Variants in ADAM10 observed in about 807,000 individuals in gnomAD.
ADAM10 encodes disintegrin and metalloproteinase domain-containing protein 10.
Under a neutral mutation model 90.1 loss-of-function variants are expected in ADAM10, and 17 were observed. That is an observed-to-expected ratio of 0.19 (90% confidence interval 0.13 to 0.28). ADAM10 has a LOEUF of 0.28. Ranked by LOEUF, ADAM10 falls within the 10% of genes least tolerant of loss-of-function variation. The pLI is 1.00. For synonymous variants in ADAM10, 310 were observed against 298.6 expected (o/e 1.04, Z -0.40); for missense variants, 610 against 914.3 (o/e 0.67, Z 4.29).
At chr15:58,643,642 C>T (rs1896471183) in intron 7 of ADAM10, among the ~76,000 whole-genome samples, 2 of 152,200 alleles carry the variant, frequency 1.3e-5, no homozygotes, top group Non-Finnish European at 2.9e-5. Flanking sequence ...ACTGAATACA[C>T]ACTTTACCTC....
chr15:58,633,791 G>A (rs567894183), intron 8 of ADAM10, among the ~76,000 whole-genome samples: 5 of 151,756 alleles, frequency 3.3e-5, no homozygotes, highest in Admixed American at 2.6e-4. Flanking sequence ...AAGATTCTGA[G>A]AAAGTCACTT....
chr15:58,743,269 A>G (rs1483265825), intron 1 of ADAM10, among the ~76,000 whole-genome samples: 1 of 152,088 alleles, frequency 6.6e-6, no homozygotes, highest in Admixed American at 6.5e-5. Flanking sequence ...TCCACAATTT[A>G]TCTCACATAG....
At chr15:58,644,787 T>C (rs1417334190) in intron 6 of ADAM10, among the ~76,000 whole-genome samples, 1 of 152,200 alleles carries the variant, frequency 6.6e-6, no homozygotes, top group Non-Finnish European at 1.5e-5. Context: ...TGGCACTGTT[T>C]TAGGCACTGG....
At chr15:58,616,077 G>T (rs1378951561) in intron 11 of ADAM10, among the ~76,000 whole-genome samples, 1 of 152,074 alleles carries the variant, frequency 6.6e-6, no homozygotes, top group Non-Finnish European at 1.5e-5. Flanking sequence ...TCAGCAAAGG[G>T]ATATAACAAT....
chr15:58,652,279 G>A (rs1359669608), intron 5 of ADAM10, among the ~76,000 whole-genome samples: 1 of 152,078 alleles, frequency 6.6e-6, no homozygotes, highest in Non-Finnish European at 1.5e-5. Flanking sequence ...TTTTGCTTTG[G>A]TTGCCTGTGC....
At chr15:58,679,406 GGT>G in intron 3 of ADAM10, 124 bp from the exon 4 acceptor site, 2 of 815,620 alleles carry the variant, frequency 2.5e-6, no homozygotes, top group Non-Finnish European at 3.9e-6. Flanking sequence ...ACATATATAT[GGT>G]TAAATCTTGA....
intron 5 of ADAM10, among the ~76,000 whole-genome samples, chr15:58,651,901 C>A (rs1239937557): frequency 6.6e-6 from 1 of 152,150 alleles, no homozygotes. Context: ...CACATCCTCA[C>A]CAGCGTTTGT....
rs1457970724 is a variant in ADAM10, at chr15:58,594,681, G to A, written c.*2866C>T. 1 of 152,094 alleles carries A rather than the reference G, an allele frequency of 6.6e-6. No individual in the cohort carries two copies. The highest frequency in any genetic ancestry group is 2.4e-5 in the African/African-American group (1 of 41,424). The allele number at this position is 152,094 out of a possible 1,614,324, so 9.4% of individuals were successfully genotyped here. ...TTGGTACCTGAATTTATAAAACTGGGGAGGGAGGGATGGAGGGAGAGAGGA... is the reference window on the plus strand; with the variant it reads ...TTGGTACCTGAATTTATAAAACTGGAGAGGGAGGGATGGAGGGAGAGAGGA... On this transcript the variant is annotated 3_prime_UTR_variant, in exon 16 of 16. Transcript: ENST00000260408.
chr15:58,600,996 G>C (rs1347643077), intron 14 of ADAM10, among the ~76,000 whole-genome samples: 2 of 152,006 alleles, frequency 1.3e-5, no homozygotes, highest in Admixed American at 6.5e-5. Flanking sequence ...GCTAATTTTA[G>C]CATTAATGAG....
chr15:58,626,664 A>T (rs1019549652), intron 10 of ADAM10, among the ~76,000 whole-genome samples: 5 of 152,208 alleles, frequency 3.3e-5, no homozygotes, highest in Non-Finnish European at 7.4e-5. Flanking sequence ...TACAACACAG[A>T]TAAACCTTGA....
At position 58,611,944 on chromosome 15, in the gene ADAM10, T is replaced by C; in HGVS notation, c.1559A>G (p.Lys520Arg). 2 of 1,614,196 alleles carry C rather than the reference T, an allele frequency of 1.2e-6. No homozygotes were observed. The highest frequency in any genetic ancestry group is 1.7e-6 in the Non-Finnish European group (2 of 1,180,024). The change falls in exon 12 of 16, where the codon AAG (lysine) becomes AGG (arginine). Residue 520 changes from lysine to arginine, a missense_variant. By Grantham distance (26) the Lys-to-Arg change is conservative. Coordinates refer to ENST00000260408, the MANE Select transcript of ADAM10 (RefSeq NM_001110.4). ...CCTAQCAFKS[K>R]SEKCRDDSDC... is the part of the protein sequence containing the mutation. ...TGAATCATCCCGACACTTCTCAGACTTTGACTTGAATGCACACTGTGCTGT... is the reference window on the plus strand; with the variant it reads ...TGAATCATCCCGACACTTCTCAGACCTTGACTTGAATGCACACTGTGCTGT...
chr15:58,702,291 G>A (rs1898158234), intron 2 of ADAM10, among the ~76,000 whole-genome samples: 1 of 152,138 alleles, frequency 6.6e-6, no homozygotes, highest in African/African-American at 2.4e-5. Flanking sequence ...CCAGTGGCTA[G>A]CAAGGGTGAG....
chr15:58,659,090 T>C (rs561628856), intron 5 of ADAM10, among the ~76,000 whole-genome samples: 1 of 152,056 alleles, frequency 6.6e-6, no homozygotes, highest in Non-Finnish European at 1.5e-5. Context: ...CTGACCAACA[T>C]GGTGAAACCC....
chr15:58,654,896 G>A (rs1464413389), intron 5 of ADAM10, among the ~76,000 whole-genome samples: 6 of 152,130 alleles, frequency 3.9e-5, no homozygotes, highest in Non-Finnish European at 1.5e-5. Context: ...TTGAAGACTT[G>A]TTTTACAACC....
rs67378373 is a variant in ADAM10 at position 58,647,248 on chromosome 15, ATT to A, written c.586-1046_586-1045del. 6.3e-3 allele frequency among the ~76,000 whole-genome samples: 378 copies of A among 59,560 alleles called. 30 individuals are homozygous for A. The highest frequency in any genetic ancestry group is 0.015 in the African/African-American group (275 of 18,636). 39.1% of individuals were successfully genotyped at this position (59,560 alleles called of 152,430 possible). A position where few individuals can be genotyped will look rare whatever the true frequency, so the allele number is the denominator to read the frequency against. ...TGGCAGCAAAGAGTAGACACTAAGT[ATT>A]TTTTTTTTTTTTTTTTTTTTTTTTT... On this transcript the variant is annotated intron_variant, in intron 5 of 15. Transcript: ENST00000260408.
intron 14 of ADAM10, among the ~76,000 whole-genome samples, chr15:58,608,531 C>G (rs1471736608): frequency 6.6e-6 from 1 of 152,092 alleles, no homozygotes; most frequent in Admixed American, 6.5e-5. Flanking sequence ...GCATGCTATT[C>G]GAAAGACTGG....
Position 58,728,389 on chromosome 15 carries a change from T to C in ADAM10, c.56-10662A>G, listed in dbSNP as rs566831947. ...TTTATGAATTCGTACACTTAAAAAA[T>C]TGTTGAATTTTATTGTATGTAAACT... On this transcript the variant is annotated intron_variant, in intron 1 of 15. Transcript: ENST00000260408. Among the ~76,000 whole-genome samples the C allele has an allele frequency of 2.2e-4, 33 of 152,216 alleles. No individual in the cohort carries two copies. In the South Asian group the frequency reaches 3.3e-3, roughly 15 times the overall value.
At chr15:58,679,838 G>T (rs778203164) in intron 3 of ADAM10, among the ~76,000 whole-genome samples, 7 of 152,176 alleles carry the variant, frequency 4.6e-5, no homozygotes, top group Non-Finnish European at 1.0e-4. Context: ...AACCCTGGAG[G>T]CGGAGGTTGC....
chr15:58,660,442 C>G (rs1896938893), intron 5 of ADAM10, among the ~76,000 whole-genome samples: 1 of 151,476 alleles, frequency 6.6e-6, no homozygotes, highest in African/African-American at 2.4e-5. Flanking sequence ...TCACTCTAAC[C>G]ATCTCAGTTT....
Sources: gnomAD v4.1 joint callset for allele counts (sites outside exome capture counted in the v4.1 genomes callset) on GRCh38, gnomAD v4.1.1 for gene constraint, MANE v1.5 for transcripts, NCBI Gene and HGNC (gene_info 2026-07-23, HGNC 2026-07-21) for gene names.